POTEH: variants seen among roughly 807,000 people sequenced by gnomAD.
POTEH encodes ANKRD26-like family C member 3.
POTEH carries 6 observed loss-of-function variants against 41.7 expected under a neutral mutation model. The observed-to-expected ratio is 0.14, with a 90% confidence interval of 0.08 to 0.28. The LOEUF is 0.28. POTEH is among the 10% of genes least tolerant of loss of function. The probability of loss-of-function intolerance (pLI) is 1.00; values close to 1 mark genes in which losing one functional copy is unlikely to be tolerated. For synonymous variants in POTEH, 38 were observed against 179.9 expected, an observed-to-expected ratio of 0.21 and a Z score of 6.31; for missense variants, 115 against 533.5, an observed-to-expected ratio of 0.22 and a Z score of 7.73.
At chr22:15,714,181 G>T (rs1201081777) in intron 9 of POTEH, among the ~76,000 whole-genome samples, 1 of 148,944 alleles carries the variant, frequency 6.7e-6, no homozygotes, top group African/African-American at 2.5e-5. Flanking sequence ...ATGTCCAGAA[G>T]CCAGTCATAT....
intron 9 of POTEH, among the ~76,000 whole-genome samples, chr22:15,713,184 C>T (rs1405602557): frequency 6.6e-6 from 1 of 152,276 alleles, no homozygotes; most frequent in African/African-American, 2.4e-5. Context: ...CTCTTGATCT[C>T]AATGCCAGTA....
At chr22:15,705,254 A>G in intron 6 of POTEH, among the ~76,000 whole-genome samples, 1 of 120,324 alleles carries the variant, frequency 8.3e-6, no homozygotes, top group Non-Finnish European at 1.7e-5. Context: ...TCCTTGTCAT[A>G]CATCCTTGGA....
chr22:15,719,467 A>G (rs1487300342), intron 9 of POTEH, among the ~76,000 whole-genome samples, 193 bp from the exon 10 acceptor site: 5 of 149,700 alleles, frequency 3.3e-5, no homozygotes, highest in African/African-American at 9.9e-5. Flanking sequence ...TGGAAAAATT[A>G]TCTTCCGCAA....
At chr22:15,713,517 T>TA (rs1989863740) in intron 9 of POTEH, among the ~76,000 whole-genome samples, 1 of 151,982 alleles carries the variant, frequency 6.6e-6, no homozygotes, top group African/African-American at 2.4e-5. Context: ...TTTTTTTTTT[T>TA]AAGATGAAGT....
chr22:15,691,985 CATATAT>C lies in POTEH; in HGVS notation c.632+1294_632+1299del, dbSNP rs142856307. 8.0e-5 allele frequency among the ~76,000 whole-genome samples: 10 copies of C among 124,462 alleles called. No individual in the cohort carries two copies. In the East Asian group the frequency reaches 1.6e-3, roughly 19 times the overall value. The allele number at this position is 124,462 out of a possible 152,430, so 81.7% of individuals were successfully genotyped here. A position where few individuals can be genotyped will look rare whatever the true frequency, so the allele number is the denominator to read the frequency against. The stretch of plus-strand genomic sequence containing the variant: ...AAGTGCCTATTTACATATGCAGATA[CATATAT>C]ATATATATATATATATAAATTTCTT... On this transcript the variant is annotated intron_variant, in intron 1 of 10. Transcript: ENST00000343518.
At chr22:15,691,182 GGGAAGATGGTTCTTGTGCTTGAATA>G (rs1158106906) in intron 1 of POTEH, among the ~76,000 whole-genome samples, 1 of 139,714 alleles carries the variant, frequency 7.2e-6, no homozygotes, top group Non-Finnish European at 1.6e-5. Flanking sequence ...AAACTGAAAT[GGGAAGATGGTTCTTGTGCTTGAATA>G]GGAAGATTGA....
In POTEH at chr22:15,690,135, C is replaced by G. The variant is rs1454421349; in HGVS notation, c.58C>G (p.Leu20Val). The part of the protein sequence containing the change: ...AASSVKKPFG[L>V]RSKMGKWCRH... ...CTCCTCTGTGAAGAAGCCATTTGGTCTCAGAAGCAAGATGGGCAAGTGGTG... is the reference window on the plus strand; with the variant it reads ...CTCCTCTGTGAAGAAGCCATTTGGTGTCAGAAGCAAGATGGGCAAGTGGTG... Residue 20 changes from leucine to valine, a missense_variant, in exon 1 of 11, where the codon CTC becomes GTC. Coordinates refer to ENST00000343518, the MANE Select transcript of POTEH (RefSeq NM_001136213.1). The G allele has an allele frequency of 7.1e-7, 1 of 1,407,498 alleles. No individual in the cohort carries two copies. Among genetic ancestry groups the G allele is most frequent in the Non-Finnish European group, 9.9e-7 (1 of 1,014,610 alleles). The allele number at this position is 1,407,498 out of a possible 1,614,324, so 87.2% of individuals were successfully genotyped here.
chr22:15,692,713 C>A (rs1259022843), intron 1 of POTEH, among the ~76,000 whole-genome samples: 1 of 123,044 alleles, frequency 8.1e-6, no homozygotes, highest in African/African-American at 3.0e-5. Context: ...CGAGATCGTG[C>A]CACTACATTC....
chr22:15,711,728 ACATAT>A (rs1277386319), intron 9 of POTEH, among the ~76,000 whole-genome samples: 86 of 150,656 alleles, frequency 5.7e-4, no homozygotes, highest in Admixed American at 1.3e-3. Context: ...ATACATACTT[ACATAT>A]AAGGACATTT....
chr22:15,699,756 T>C (rs1414016224), intron 4 of POTEH: 1 of 271,988 alleles, frequency 3.7e-6, no homozygotes, highest in African/African-American at 2.2e-5. Flanking sequence ...CTAGGGAAGC[T>C]GTGATGAAAT....
intron 1 of POTEH, among the ~76,000 whole-genome samples, chr22:15,691,778 A>C (rs1411694762): frequency 6.7e-6 from 1 of 148,686 alleles, no homozygotes; most frequent in African/African-American, 2.4e-5. Context: ...AAATTTAGAA[A>C]TACCGAAATA....
chr22:15,690,988 T>A (rs1989293261), intron 1 of POTEH, among the ~76,000 whole-genome samples: 1 of 135,294 alleles, frequency 7.4e-6, no homozygotes, highest in Non-Finnish European at 1.7e-5. Flanking sequence ...TGCAGCAGAT[T>A]ATTTTTAATG....
intron 9 of POTEH, among the ~76,000 whole-genome samples, chr22:15,712,075 CT>C (rs1989839381): frequency 4.9e-5 from 1 of 20,216 alleles, no homozygotes; most frequent in African/African-American, 3.6e-4. Flanking sequence ...ATATTGGACC[CT>C]CAGTCTGAAT....
rs12627991 is a variant in POTEH at position 15,695,732 on chromosome 22, G to A, written c.835G>A (p.Ala279Thr). The A allele has an allele frequency of 4.9e-3, 163 of 33,064 alleles. No homozygotes were observed. The highest frequency in any genetic ancestry group is 0.024 in the East Asian group (17 of 722). The allele number at this position is 33,064 out of a possible 1,614,324, so 2.0% of individuals were successfully genotyped here. A position where few individuals can be genotyped will look rare whatever the true frequency, so the allele number is the denominator to read the frequency against. The change falls in exon 3 of 11, where the codon GCT becomes ACT. Residue 279 changes from alanine (A) to threonine (T), a missense_variant. Transcript: ENST00000343518. ...PNIPDEYGNTALHYAIYNEDK... is the reference protein window; with the variant it reads ...PNIPDEYGNTTLHYAIYNEDK... ...TATTCCAGATGAGTATGGAAATACC[G>A]CTCTACACTATGCTATCTACAATGA...
chr22:15,712,908 G>A (rs1450614806), intron 9 of POTEH, among the ~76,000 whole-genome samples: 1 of 148,106 alleles, frequency 6.8e-6, no homozygotes, highest in African/African-American at 2.5e-5. Flanking sequence ...ATCAGCTTAT[G>A]TGATCTAGAA....
chr22:15,708,126 C>T (rs780881555), intron 7 of POTEH, 36 bp downstream of exon 7: 9 of 738,506 alleles, frequency 1.2e-5, no homozygotes, highest in East Asian at 1.5e-4. Flanking sequence ...TTTGGTTTAA[C>T]GTTTTTTATT....
At chr22:15,710,504 G>T (rs1226893707) in intron 8 of POTEH, among the ~76,000 whole-genome samples, 1 of 152,354 alleles carries the variant, frequency 6.6e-6, no homozygotes, top group Non-Finnish European at 1.5e-5. Context: ...TTGCATCTTT[G>T]TCTTTTTATT....
rs200375190 is a variant in POTEH at position 15,690,179 on chromosome 22, G to A, written c.102G>A (p.Trp34Ter). The A allele has an allele frequency of 0.017, 22,935 of 1,349,124 alleles. 1,149 individuals carry two copies. The highest frequency in any genetic ancestry group is 0.021 in the Non-Finnish European group (20,823 of 970,616). The allele number at this position is 1,349,124 out of a possible 1,614,324, so 83.6% of individuals were successfully genotyped here. A position where few individuals can be genotyped will look rare whatever the true frequency, so the allele number is the denominator to read the frequency against. Residue 34 changes from tryptophan to a stop codon, truncating the protein, a stop_gained, in exon 1 of 11, where the codon TGG becomes TGA. Coordinates refer to ENST00000343518, the MANE Select transcript of POTEH (RefSeq NM_001136213.1). LOFTEE classifies it high-confidence loss of function. ...AGTGGTGCCGCCACTGCTTCGCCTG[G>A]TGCAGGGGGAGCGGCAAGAGCAACG... ...MGKWCRHCFA[W>*]CRGSGKSNVG...
At chr22:15,692,007 TAA>T (rs1556023020) in intron 1 of POTEH, among the ~76,000 whole-genome samples, 2 of 133,730 alleles carry the variant, frequency 1.5e-5, no homozygotes, top group African/African-American at 5.4e-5. Flanking sequence ...TATATATATA[TAA>T]ATTTCTTTTT....
Sources: gnomAD v4.1 joint callset for allele counts (sites outside exome capture counted in the v4.1 genomes callset) on GRCh38, gnomAD v4.1.1 for gene constraint, MANE v1.5 for transcripts, NCBI Gene and HGNC (gene_info 2026-07-23, HGNC 2026-07-21) for gene names.